The following CLDN14 variants were observed in gnomAD, a reference collection of about 807,000 sequenced individuals.
CLDN14 encodes claudin-14.
A neutral mutation model predicts 2.1 loss-of-function variants in CLDN14; 2 were observed. That is an observed-to-expected ratio of 0.96 (90% CI 0.39 to 3.01). The LOEUF (loss-of-function observed/expected upper bound fraction) is 3.01. CLDN14 is among the 30% of genes most tolerant of loss of function. The pLI is 0.09. For synonymous variants in CLDN14, 136 were observed against 154.4 expected, an observed-to-expected ratio of 0.88 and a Z score of 0.88; for missense variants, 298 against 328.0, an observed-to-expected ratio of 0.91 and a Z score of 0.71.
intron 1 of CLDN14, among the ~76,000 whole-genome samples, chr21:36,524,556 C>A (rs897838910): frequency 1.3e-5 from 2 of 152,194 alleles, no homozygotes; most frequent in African/African-American, 4.8e-5. Context: ...AGATACCGAC[C>A]CTGAGCTCCA....
chr21:36,543,651 T>G (rs2087507623), intron 1 of CLDN14, among the ~76,000 whole-genome samples: 1 of 152,212 alleles, frequency 6.6e-6, no homozygotes, highest in South Asian at 2.1e-4. Flanking sequence ...TGTGCCCATT[T>G]TACAAAAGAG....
At chr21:36,463,540 T>C (rs1422354902) in intron 1 of CLDN14, among the ~76,000 whole-genome samples, 1 of 152,136 alleles carries the variant, frequency 6.6e-6, no homozygotes, top group African/African-American at 2.4e-5. Flanking sequence ...GGTGAAAACC[T>C]GCCTCTACTA....
intron 1 of CLDN14, among the ~76,000 whole-genome samples, chr21:36,539,407 T>C (rs1210401522): frequency 7.0e-6 from 1 of 143,512 alleles, no homozygotes; most frequent in Non-Finnish European, 1.5e-5. Context: ...GTGGAGTGTG[T>C]GTGGAGTGAC....
intron 2 of CLDN14, chr21:36,486,536 A>G: frequency 6.4e-7 from 1 of 1,563,198 alleles, no homozygotes; most frequent in Non-Finnish European, 8.8e-7. Flanking sequence ...TTCCCCAGCC[A>G]AAATCGGAGA....
chr21:36,537,171 A>G (rs1449794010), intron 1 of CLDN14, among the ~76,000 whole-genome samples: 1 of 152,208 alleles, frequency 6.6e-6, no homozygotes, highest in Non-Finnish European at 1.5e-5. Flanking sequence ...AGCCTAGGCA[A>G]CAAGAGCAAA....
chr21:36,538,777 G>C (rs2087453956), intron 1 of CLDN14, among the ~76,000 whole-genome samples: 1 of 152,052 alleles, frequency 6.6e-6, no homozygotes. Flanking sequence ...TCCACAGTTG[G>C]AGTGGCCGAT....
chr21:36,486,209 G>T, intron 2 of CLDN14: 1 of 951,342 alleles, frequency 1.1e-6, no homozygotes, highest in Non-Finnish European at 1.7e-6. Flanking sequence ...TACTGATTCC[G>T]CCTGGCCAAA....
intron 1 of CLDN14, among the ~76,000 whole-genome samples, chr21:36,520,042 C>G (rs1202650865): frequency 6.6e-6 from 1 of 152,194 alleles, no homozygotes; most frequent in East Asian, 1.9e-4. Flanking sequence ...AGTCCCAAAT[C>G]AAGATGTTGG....
chr21:36,524,489 G>A (rs1033041488), intron 1 of CLDN14, among the ~76,000 whole-genome samples: 2 of 152,174 alleles, frequency 1.3e-5, no homozygotes, highest in African/African-American at 2.4e-5. Flanking sequence ...GACAGATACC[G>A]ACCGTATGCC....
intron 1 of CLDN14, among the ~76,000 whole-genome samples, chr21:36,522,180 A>G (rs1013297157): frequency 1.3e-5 from 2 of 152,084 alleles, no homozygotes; most frequent in Non-Finnish European, 2.9e-5. Flanking sequence ...TTCACGTCCA[A>G]TATAATCAAG....
intron 1 of CLDN14, among the ~76,000 whole-genome samples, chr21:36,569,351 G>A (rs1043017507): frequency 5.3e-5 from 8 of 151,942 alleles, no homozygotes; most frequent in Non-Finnish European, 8.8e-5. Flanking sequence ...GGGAGGCAAA[G>A]GTTGCAGTGA....
intron 1 of CLDN14, among the ~76,000 whole-genome samples, chr21:36,567,725 C>T (rs893270126): frequency 6.6e-6 from 1 of 152,154 alleles, no homozygotes; most frequent in Admixed American, 6.5e-5. Flanking sequence ...TTGAAACTGT[C>T]CAGGCTCCAT....
intron 1 of CLDN14, among the ~76,000 whole-genome samples, chr21:36,539,568 G>GTATGTGTAGCA: frequency 6.7e-6 from 1 of 150,228 alleles, no homozygotes; most frequent in Middle Eastern, 3.4e-3. Context: ...TGGAGTGAGT[G>GTATGTGTAGCA]TGTGCAGTTT....
chr21:36,490,406 T>TTTTTTTTTTTG (rs2086949291), intron 2 of CLDN14, among the ~76,000 whole-genome samples: 1 of 144,742 alleles, frequency 6.9e-6, no homozygotes. Flanking sequence ...TTTTTTTTTT[T>TTTTTTTTTTTG]GTGACAGAGT....
At chr21:36,521,123 A>G (rs1256601923) in intron 1 of CLDN14, among the ~76,000 whole-genome samples, 1 of 152,228 alleles carries the variant, frequency 6.6e-6, no homozygotes, top group Non-Finnish European at 1.5e-5. Context: ...TTGAGTATCA[A>G]AGATTTAAAA....
At chr21:36,486,717 T>A in intron 2 of CLDN14, 1 of 1,183,766 alleles carries the variant, frequency 8.4e-7, no homozygotes, top group Non-Finnish European at 1.3e-6. Flanking sequence ...TTGAGGAATT[T>A]AGCCAGTTTC....
At chr21:36,575,521 C>T (rs562703358) in intron 1 of CLDN14, among the ~76,000 whole-genome samples, 88 of 152,170 alleles carry the variant, frequency 5.8e-4, no homozygotes, top group African/African-American at 1.5e-3. Context: ...ATGTCTTTGT[C>T]GCAATGTCAT....
chr21:36,538,937 C>T (rs1438311279), intron 1 of CLDN14, among the ~76,000 whole-genome samples: 4 of 152,206 alleles, frequency 2.6e-5, no homozygotes, highest in Non-Finnish European at 5.9e-5. Flanking sequence ...GAGTCCCAGT[C>T]GCGCCCCTGC....
chr21:36,508,929 G>A (rs1324302982), intron 2 of CLDN14, among the ~76,000 whole-genome samples: 1 of 152,184 alleles, frequency 6.6e-6, no homozygotes, highest in Non-Finnish European at 1.5e-5. Context: ...GCTGAGAGGA[G>A]GCTGCAAGTT....
Sources: allele counts gnomAD v4.1 joint callset (sites outside exome capture counted in the v4.1 genomes callset), GRCh38; gene constraint gnomAD v4.1.1; transcripts MANE v1.5; gene names NCBI Gene and HGNC (gene_info 2026-07-23, HGNC 2026-07-21).